Variants in HIKESHI observed in about 807,000 individuals in gnomAD.
The protein encoded by HIKESHI is heat shock protein nuclear import factor hikeshi.
A neutral mutation model predicts 25.7 loss-of-function variants in HIKESHI; 13 were observed. That is an observed-to-expected ratio of 0.51 (90% confidence interval 0.33 to 0.80). The LOEUF is 0.80. Ranked by LOEUF, HIKESHI falls within the 30% of genes least tolerant of loss-of-function variation. HIKESHI has a pLI of 0.02. For synonymous variants in HIKESHI, 76 were observed against 78.7 expected (o/e 0.97, Z 0.18); for missense variants, 174 against 229.5 (o/e 0.76, Z 1.56).
chr11:86,330,074 GGA>G (rs1458242426), intron 2 of HIKESHI, among the ~76,000 whole-genome samples: 2 of 150,908 alleles, frequency 1.3e-5, no homozygotes, highest in Admixed American at 6.6e-5. Context: ...GCATTCTTTT[GGA>G]TTGTGTTTTT....
At chr11:86,304,238 C>G (rs1384469152) in intron 1 of HIKESHI, among the ~76,000 whole-genome samples, 2 of 152,144 alleles carry the variant, frequency 1.3e-5, no homozygotes, top group African/African-American at 4.8e-5. Flanking sequence ...GTATATTTTT[C>G]CTAAGTTTAT....
chr11:86,344,826 G>GCTGTC, intron 4 of HIKESHI, 105 bp downstream of exon 4: 1 of 807,456 alleles, frequency 1.2e-6, no homozygotes, highest in Non-Finnish European at 2.1e-6. Context: ...TTCTTTTATT[G>GCTGTC]TGAACATCAG....
At position 86,306,419 on chromosome 11, in the gene HIKESHI, C is replaced by G. The variant is rs761039665; in HGVS notation, c.205C>G (p.Leu69Val). ...PDSNGMPVWQ[L>V]LGFVTNGKPS... ...TTCAAATGGAATGCCAGTATGGCAACTCCTAGGATTTGTCACGAATGGGAA... is the reference window on the plus strand; with the variant it reads ...TTCAAATGGAATGCCAGTATGGCAAGTCCTAGGATTTGTCACGAATGGGAA... Residue 69 changes from leucine to valine, a missense_variant, in exon 2 of 5, where the codon CTC becomes GTC. Physicochemically the swap from Leu to Val is conservative, Grantham distance 32 (BLOSUM62 1). Coordinates refer to ENST00000278483, the MANE Select transcript of HIKESHI (RefSeq NM_016401.4). 14 of 1,613,896 alleles carry G rather than the reference C, an allele frequency of 8.7e-6. No individual in the cohort carries two copies. In the South Asian group the frequency reaches 1.5e-4, roughly 18 times the overall value.
intron 2 of HIKESHI, among the ~76,000 whole-genome samples, chr11:86,309,433 T>C (rs1946773929): frequency 6.6e-6 from 1 of 152,216 alleles, no homozygotes; most frequent in African/African-American, 2.4e-5. Context: ...TTTTTTCTTG[T>C]AAATTTGTTT....
intron 2 of HIKESHI, among the ~76,000 whole-genome samples, chr11:86,312,808 C>T (rs1946867001): frequency 6.6e-6 from 1 of 152,142 alleles, no homozygotes; most frequent in South Asian, 2.1e-4. Flanking sequence ...ATTTCTCCTT[C>T]ACTTATGAAG....
chr11:86,309,628 G>A (rs1301996485), intron 2 of HIKESHI, among the ~76,000 whole-genome samples: 2 of 152,170 alleles, frequency 1.3e-5, no homozygotes, highest in African/African-American at 4.8e-5. Flanking sequence ...TGGTGTTTTA[G>A]TCATGAATTC....
chr11:86,302,541 A>G, intron 1 of HIKESHI, 63 bp downstream of exon 1: 11 of 1,525,668 alleles, frequency 7.2e-6, no homozygotes, highest in Middle Eastern at 1.8e-4. Flanking sequence ...GCCCTACGGC[A>G]GGGAGGGTGC....
chr11:86,310,102 G>A (rs1176168249), intron 2 of HIKESHI, among the ~76,000 whole-genome samples: 1 of 147,878 alleles, frequency 6.8e-6, no homozygotes, highest in African/African-American at 2.5e-5. Context: ...ATTCTGCGAA[G>A]AAAGTCATTG....
intron 2 of HIKESHI, among the ~76,000 whole-genome samples, chr11:86,316,695 G>C (rs1946988802): frequency 6.8e-6 from 1 of 146,640 alleles, no homozygotes; most frequent in Non-Finnish European, 1.5e-5. Flanking sequence ...AGAGATTCCA[G>C]AATGAGATTT....
At chr11:86,314,766 G>T (rs1269467427) in intron 2 of HIKESHI, among the ~76,000 whole-genome samples, 1 of 152,162 alleles carries the variant, frequency 6.6e-6, no homozygotes, top group East Asian at 1.9e-4. Flanking sequence ...GGTTTCATGA[G>T]ATCATTATCA....
intron 2 of HIKESHI, among the ~76,000 whole-genome samples, chr11:86,333,955 A>C (rs930285500): frequency 2.0e-5 from 3 of 152,254 alleles, no homozygotes; most frequent in Admixed American, 1.3e-4. Context: ...AGATGCCAAA[A>C]AAAGAACAAG....
intron 2 of HIKESHI, among the ~76,000 whole-genome samples, chr11:86,328,473 C>T (rs888480825): frequency 3.3e-5 from 5 of 150,686 alleles, no homozygotes; most frequent in Non-Finnish European, 7.4e-5. Context: ...GCTCTGTTGC[C>T]GAGGCTGGTG....
intron 2 of HIKESHI, among the ~76,000 whole-genome samples, chr11:86,315,204 G>C (rs1487146435): frequency 6.6e-6 from 1 of 152,130 alleles, no homozygotes; most frequent in East Asian, 1.9e-4. Context: ...AAAGCAGCGA[G>C]AGAGAGAAAA....
At position 86,337,531 on chromosome 11, in the gene HIKESHI, G is replaced by GTAATGCAACATACATT. The variant is rs1366201978; in HGVS notation, c.420+3_420+18dup. On this transcript the variant is annotated splice_donor_variant, in intron 3 of 4. Transcript: ENST00000278483. LOFTEE classifies it high-confidence loss of function. Reference sequence around the variant, plus strand: ...ATCCTCAGTTGACTCATTCACTCAGGTAATGCAACATACATTTCATTCTTT... The same window carrying GTAATGCAACATACATT: ...ATCCTCAGTTGACTCATTCACTCAGGTAATGCAACATACATTTAATGCAACATACATTTCATTCTTT... 4.3e-6 allele frequency: 7 copies of GTAATGCAACATACATT among 1,610,342 alleles called. No homozygotes were observed. Among genetic ancestry groups the GTAATGCAACATACATT allele is most frequent in the Non-Finnish European group, 5.9e-6 (7 of 1,178,736 alleles).
intron 4 of HIKESHI, chr11:86,345,192 G>A (rs1947839776): frequency 9.8e-7 from 1 of 1,015,670 alleles, no homozygotes; most frequent in African/African-American, 1.7e-5. Context: ...GCATTGGAAT[G>A]CACTAGGTTT....
chr11:86,345,096 A>G, intron 4 of HIKESHI: 1 of 1,078,182 alleles, frequency 9.3e-7, no homozygotes, highest in Non-Finnish European at 1.1e-6. Flanking sequence ...TTTTATAGAT[A>G]TTTCTTTTCA....
In HIKESHI at chr11:86,344,711, G is replaced by T. The variant is rs1476197784; in HGVS notation, c.529G>T (p.Val177Phe). The T allele has an allele frequency of 1.9e-6, 3 of 1,599,738 alleles. No individual in the cohort carries two copies. In the East Asian group the frequency reaches 6.7e-5, roughly 36 times the overall value. Residue 177 changes from valine to phenylalanine, a missense_variant, in exon 4 of 5, where the codon GTT (valine) becomes TTT (phenylalanine). Transcript: ENST00000278483. ...TGAAATGTTCATTCCGGCAAATGTGGTTCTGAAATGGTATGAGGCATTTTC... is the reference window on the plus strand; with the variant it reads ...TGAAATGTTCATTCCGGCAAATGTGTTTCTGAAATGGTATGAGGCATTTTC... The part of the protein sequence containing the change: ...PSEMFIPANV[V>F]LKWYENFQRR...
intron 3 of HIKESHI, among the ~76,000 whole-genome samples, chr11:86,341,104 A>G (rs1034361457): frequency 1.3e-5 from 2 of 152,196 alleles, no homozygotes; most frequent in African/African-American, 4.8e-5. Context: ...CTTGCTTAAA[A>G]TCTGTTAGTT....
intron 2 of HIKESHI, among the ~76,000 whole-genome samples, chr11:86,308,164 T>C (rs1300516406): frequency 5.6e-5 from 1 of 17,750 alleles, no homozygotes. Flanking sequence ...AAAATATATA[T>C]TACATATAAA....
Sources: allele counts gnomAD v4.1 joint callset (sites outside exome capture counted in the v4.1 genomes callset), GRCh38; gene constraint gnomAD v4.1.1; transcripts MANE v1.5; gene names NCBI Gene and HGNC (gene_info 2026-07-23, HGNC 2026-07-21).